CDNF: variants seen among roughly 807,000 people sequenced by gnomAD.
CDNF encodes cerebral dopamine neurotrophic factor, also known as ARMET-like protein 1.
Under a neutral mutation model 14.8 loss-of-function variants are expected in CDNF, and 9 were observed. The observed-to-expected ratio is 0.61, with a 90% CI of 0.37 to 1.06. The LOEUF is 1.06. Among genes scored for constraint, CDNF ranks in the 50% least tolerant of loss-of-function variants. The probability of loss-of-function intolerance (pLI) is 0.01; values close to 1 mark genes in which losing one functional copy is unlikely to be tolerated. For missense variants in CDNF, 228 were observed against 228.4 expected (o/e 1.00, Z 0.01); for synonymous variants, 86 against 87.2 (o/e 0.99, Z 0.07).
intron 2 of CDNF, among the ~76,000 whole-genome samples, chr10:14,826,704 G>A (rs1033781262): frequency 6.6e-6 from 1 of 152,160 alleles, no homozygotes; most frequent in Non-Finnish European, 1.5e-5. Flanking sequence ...TGCTCTCAGT[G>A]CTTTAAAGGT....
chr10:14,835,740 G>A (rs533471821), intron 1 of CDNF, among the ~76,000 whole-genome samples: 2 of 152,274 alleles, frequency 1.3e-5, no homozygotes, highest in African/African-American at 2.4e-5. Flanking sequence ...AAATATTTAT[G>A]TTTTTCCAGT....
Position 14,820,040 on chromosome 10 carries a change from C to A in CDNF, c.504G>T (p.Val168=). ...TGGGGGCCAGCTCTTGAATGAGATTCACATAGTCAGTTTTTTCTGCACAGG... is the reference window on the plus strand; with the variant it reads ...TGGGGGCCAGCTCTTGAATGAGATTAACATAGTCAGTTTTTTCTGCACAGG... ...CRACAEKTDY[V]NLIQELAPKY... The change falls in exon 4 of 4, where the codon GTG becomes GTT. Residue 168 remains valine (V), a synonymous_variant. Transcript: ENST00000465530. 1 of 1,614,134 alleles carries A rather than the reference C, an allele frequency of 6.2e-7. No individual in the cohort carries two copies. The highest frequency in any genetic ancestry group is 8.5e-7 in the Non-Finnish European group (1 of 1,180,028).
At chr10:14,830,046 T>C (rs1193153443) in intron 1 of CDNF, among the ~76,000 whole-genome samples, 2 of 152,218 alleles carry the variant, frequency 1.3e-5, no homozygotes, top group African/African-American at 4.8e-5. Context: ...TTGTGAAGAT[T>C]GTTTGAAGCC....
At chr10:14,826,046 GA>G (rs1241538244) in intron 2 of CDNF, among the ~76,000 whole-genome samples, 11 of 121,264 alleles carry the variant, frequency 9.1e-5, no homozygotes, top group Non-Finnish European at 1.8e-4. Flanking sequence ...AGAAGAAGAA[GA>G]AGAAGAAGAA....
chr10:14,836,241 T>G (rs980239977), intron 1 of CDNF: 1 of 152,228 alleles, frequency 6.6e-6, no homozygotes, highest in Non-Finnish European at 1.5e-5. Context: ...AATCTGGTTC[T>G]TTTAGTTACC....
chr10:14,835,581 C>T (rs1329367216), intron 1 of CDNF, among the ~76,000 whole-genome samples: 3 of 152,102 alleles, frequency 2.0e-5, no homozygotes, highest in African/African-American at 7.2e-5. Flanking sequence ...GTCTTTATTG[C>T]TAAAATAACC....
At chr10:14,820,963 T>C (rs1833733333) in intron 3 of CDNF, among the ~76,000 whole-genome samples, 1 of 152,094 alleles carries the variant, frequency 6.6e-6, no homozygotes, top group South Asian at 2.1e-4. Context: ...CTTTGCGCTC[T>C]TCCTCTTGCT....
intron 3 of CDNF, among the ~76,000 whole-genome samples, chr10:14,825,259 T>A (rs985961427): frequency 6.6e-6 from 1 of 152,132 alleles, no homozygotes; most frequent in Non-Finnish European, 1.5e-5. Context: ...CCAGGCCTCA[T>A]TGGCAATTTT....
intron 1 of CDNF, among the ~76,000 whole-genome samples, chr10:14,835,659 A>G (rs1013560307): frequency 6.6e-6 from 1 of 152,314 alleles, no homozygotes; most frequent in South Asian, 2.1e-4. Flanking sequence ...TTATAAGTGA[A>G]TCTATAATTA....
In CDNF at chr10:14,826,397, A is replaced by C. The variant is rs116556610; in HGVS notation, c.244-777T>G. ...GCAGCAGCAGAAGAAGAAGCAGAAG[A>C]AGCAGCAGCAGCAGCAGAAGCAGCA... is the stretch of plus-strand genomic sequence containing the variant. On this transcript the variant is annotated intron_variant, in intron 2 of 3. Transcript: ENST00000465530. 8.7e-3 allele frequency among the ~76,000 whole-genome samples: 1,312 copies of C among 151,492 alleles called. 13 individuals are homozygous for C. Among genetic ancestry groups the C allele is most frequent in the African/African-American group, 0.028 (1,162 of 41,026 alleles).
chr10:14,825,705 A>G, intron 2 of CDNF, 85 bp from the exon 3 acceptor site: 1 of 1,433,488 alleles, frequency 7.0e-7, no homozygotes, highest in Non-Finnish European at 9.7e-7. Context: ...CAGTATCAAG[A>G]AGAAAGAGGT....
rs1486577354 is a variant in CDNF at position 14,837,981 on chromosome 10, G to GCGCCCAC, written c.-42_-36dup. Reference sequence around the variant, plus strand: ...GCAGCTTCAATCGCCTCCGCCACCCGCGCCCACCGCCCACCAAGCTGCCAA... The same window carrying GCGCCCAC: ...GCAGCTTCAATCGCCTCCGCCACCCGCGCCCACCGCCCACCGCCCACCAAGCTGCCAA... On this transcript the variant is annotated 5_prime_UTR_variant, in exon 1 of 4. Coordinates refer to ENST00000465530, the MANE Select transcript of CDNF (RefSeq NM_001029954.3). 8.8e-6 allele frequency: 13 copies of GCGCCCAC among 1,481,828 alleles called. No individual in the cohort carries two copies. The highest frequency in any genetic ancestry group is 4.8e-5 in the East Asian group (2 of 41,676). 91.8% of individuals were successfully genotyped at this position (1,481,828 alleles called of 1,614,324 possible).
At chr10:14,829,145 G>A (rs893571211) in intron 1 of CDNF, among the ~76,000 whole-genome samples, 1 of 152,214 alleles carries the variant, frequency 6.6e-6, no homozygotes, top group African/African-American at 2.4e-5. Context: ...TCATTGGAAC[G>A]AAGTTCTACC....
In CDNF at chr10:14,825,466, G is replaced by A. The variant is rs751018493; in HGVS notation, c.385+13C>T. The stretch of plus-strand genomic sequence containing the variant: ...ATTGGACCTACTGGGAAAAACACGG[G>A]GCTGTGTTATACCATATTTCAGCTC... On this transcript the variant is annotated intron_variant, in intron 3 of 3. Transcript: ENST00000465530. 1 of 1,611,950 alleles carries A rather than the reference G, an allele frequency of 6.2e-7. No homozygotes were observed. The highest frequency in any genetic ancestry group is 8.5e-7 in the Non-Finnish European group (1 of 1,178,854).
rs896845068 is a variant in CDNF at position 14,819,873 on chromosome 10, T to G, written c.*107A>C. On this transcript the variant is annotated 3_prime_UTR_variant, in exon 4 of 4. Transcript: ENST00000465530. ...AGGAATAATACCAACACAAAAAGCA[T>G]GAGACCAAATATGATGCATTCCCAG... The G allele has an allele frequency of 1.7e-5, 19 of 1,138,442 alleles. No individual in the cohort carries two copies. In the African/African-American group the frequency reaches 2.8e-4, roughly 17 times the overall value. 70.5% of individuals were successfully genotyped at this position (1,138,442 alleles called of 1,614,324 possible). A position where few individuals can be genotyped will look rare whatever the true frequency, so the allele number is the denominator to read the frequency against.
intron 2 of CDNF, among the ~76,000 whole-genome samples, chr10:14,827,237 T>A (rs191859669): frequency 6.6e-6 from 1 of 151,594 alleles, no homozygotes; most frequent in Non-Finnish European, 1.5e-5. Context: ...CTCAAAAAAA[T>A]ATAGATAGAT....
chr10:14,821,197 T>A (rs1833735460), intron 3 of CDNF, among the ~76,000 whole-genome samples: 1 of 152,086 alleles, frequency 6.6e-6, no homozygotes, highest in Non-Finnish European at 1.5e-5. Context: ...TGATCTCTGC[T>A]CACTGCAACC....
chr10:14,820,722 A>C (rs1474181740), intron 3 of CDNF, among the ~76,000 whole-genome samples: 2 of 151,530 alleles, frequency 1.3e-5, no homozygotes, highest in Non-Finnish European at 2.9e-5. Context: ...ACAGATTGAG[A>C]CTCTGTCTCA....
chr10:14,823,111 T>A (rs1833751258), intron 3 of CDNF, among the ~76,000 whole-genome samples: 1 of 152,268 alleles, frequency 6.6e-6, no homozygotes, highest in Admixed American at 6.5e-5. Flanking sequence ...TGTTTAATCT[T>A]ATCTTTCCTG....
Sources: gnomAD v4.1 joint callset for allele counts (sites outside exome capture counted in the v4.1 genomes callset) on GRCh38, gnomAD v4.1.1 for gene constraint, MANE v1.5 for transcripts, NCBI Gene and HGNC (gene_info 2026-07-23, HGNC 2026-07-21) for gene names.